Variants in RIMBP2 observed in about 807,000 individuals in gnomAD.
RIMBP2 encodes RIMS binding protein 2.
RIMBP2 carries 48 observed loss-of-function variants against 118.6 expected under a neutral mutation model. The ratio of observed to expected loss-of-function variants is 0.40; its 90% confidence interval spans 0.32 to 0.51. RIMBP2 has a LOEUF of 0.51. Ranked by LOEUF, RIMBP2 falls within the 20% of genes least tolerant of loss-of-function variation. The pLI is 0.41. For synonymous variants in RIMBP2, 762 were observed against 742.9 expected, an observed-to-expected ratio of 1.03 and a Z score of -0.42; for missense variants, 1,551 against 1,768.3, an observed-to-expected ratio of 0.88 and a Z score of 2.20.
intron 2 of RIMBP2, among the ~76,000 whole-genome samples, chr12:130,535,346 A>T (rs1054740961): frequency 6.6e-5 from 8 of 120,712 alleles, no homozygotes; most frequent in African/African-American, 2.5e-4. Context: ...TAAAAAATTA[A>T]AAAAAAAAAT....
intron 2 of RIMBP2, among the ~76,000 whole-genome samples, chr12:130,557,388 G>A (rs1243466951): frequency 6.6e-6 from 1 of 152,206 alleles, no homozygotes; most frequent in Non-Finnish European, 1.5e-5. Context: ...AAACTCATCC[G>A]TGTCCCATCA....
intron 2 of RIMBP2, among the ~76,000 whole-genome samples, chr12:130,606,667 A>C (rs73156966): frequency 6.6e-6 from 1 of 152,154 alleles, no homozygotes; most frequent in South Asian, 2.1e-4. Flanking sequence ...TGTTGGAGCA[A>C]GCGGTAGAGA....
At chr12:130,414,670 A>G (rs1377959250) in intron 17 of RIMBP2, 1 of 181,024 alleles carries the variant, frequency 5.5e-6, no homozygotes, top group Admixed American at 5.4e-5. Context: ...ATGGAAAGCT[A>G]AGCACAGCCC....
intron 2 of RIMBP2, among the ~76,000 whole-genome samples, chr12:130,547,010 G>A (rs930589890): frequency 6.6e-6 from 1 of 152,140 alleles, no homozygotes; most frequent in Non-Finnish European, 1.5e-5. Context: ...AGGAGGGACA[G>A]TTGTTATCAT....
intron 3 of RIMBP2, among the ~76,000 whole-genome samples, chr12:130,515,088 G>A (rs1296836769): frequency 1.3e-5 from 2 of 152,232 alleles, no homozygotes; most frequent in Non-Finnish European, 2.9e-5. Flanking sequence ...GTGTTAGCCA[G>A]GATGGTCTCA....
At position 130,688,051 on chromosome 12, in the gene RIMBP2, G is replaced by A. The variant is rs1054847015; in HGVS notation, c.-352+28171C>T. ...CTCAGATCAACTATTGTTAAAATTC[G>A]TACTGTGGGAAAGAGGGGCACATCA... On this transcript the variant is annotated intron_variant, in intron 1 of 22. Coordinates refer to ENST00000690449, the MANE Select transcript of RIMBP2 (RefSeq NM_001393629.1). The surrounding 1 kb of genome is among the most constrained non-coding windows in gnomAD (Gnocchi z 4.7). Among the ~76,000 whole-genome samples, 5 of 152,298 alleles carry A rather than the reference G, an allele frequency of 3.3e-5. No homozygotes were observed. Among genetic ancestry groups the A allele is most frequent in the African/African-American group, 4.8e-5 (2 of 41,560 alleles).
intron 7 of RIMBP2, among the ~76,000 whole-genome samples, chr12:130,453,212 C>A (rs2079140926): frequency 1.3e-5 from 2 of 152,232 alleles, no homozygotes; most frequent in South Asian, 4.1e-4. Flanking sequence ...CAGTGTGGCC[C>A]ATGAGCAACG....
intron 1 of RIMBP2, among the ~76,000 whole-genome samples, chr12:130,667,068 GGA>G (rs2063963535): frequency 9.2e-6 from 1 of 108,930 alleles, no homozygotes; most frequent in Non-Finnish European, 2.0e-5. Flanking sequence ...AAGGAAGAAG[GGA>G]GGGAGGAAAA....
rs187478714 is a variant in RIMBP2, at chr12:130,567,103, A to G, written c.-216-49186T>C. Among the ~76,000 whole-genome samples, 7 of 152,368 alleles carry G rather than the reference A, an allele frequency of 4.6e-5. No individual in the cohort carries two copies. The East Asian group carries it at 1.2e-3, about 25-fold the overall frequency. On this transcript the variant is annotated intron_variant, in intron 2 of 22. Coordinates refer to ENST00000690449, the MANE Select transcript of RIMBP2 (RefSeq NM_001393629.1). Reference sequence around the variant, plus strand: ...AGCTCTGACCAGACCAAACTCAGGGAAAGTCAAATACAAAATACAGCCAGG... The same window carrying G: ...AGCTCTGACCAGACCAAACTCAGGGGAAGTCAAATACAAAATACAGCCAGG...
At chr12:130,483,507 G>A (rs2082202779) in intron 4 of RIMBP2, among the ~76,000 whole-genome samples, 1 of 152,212 alleles carries the variant, frequency 6.6e-6, no homozygotes, top group Non-Finnish European at 1.5e-5. Flanking sequence ...GTCCTGCTGG[G>A]GGCTGGCCTG....
At chr12:130,619,633 G>A (rs1049728004) in intron 2 of RIMBP2, among the ~76,000 whole-genome samples, 1 of 152,198 alleles carries the variant, frequency 6.6e-6, no homozygotes, top group Non-Finnish European at 1.5e-5. Context: ...ACTGATCAGT[G>A]TGGATCTCTA....
At chr12:130,572,920 G>A (rs1379503326) in intron 2 of RIMBP2, among the ~76,000 whole-genome samples, 1 of 152,140 alleles carries the variant, frequency 6.6e-6, no homozygotes, top group African/African-American at 2.4e-5. Context: ...GGAGCTGTGA[G>A]GAGGGACCCA....
chr12:130,541,998 G>A (rs1405167656), intron 2 of RIMBP2, among the ~76,000 whole-genome samples: 1 of 152,244 alleles, frequency 6.6e-6, no homozygotes, highest in East Asian at 1.9e-4. Context: ...GCTCTAAGTG[G>A]AGGCATCGCC....
chr12:130,508,251 C>T (rs924721376), intron 3 of RIMBP2, among the ~76,000 whole-genome samples: 9 of 151,962 alleles, frequency 5.9e-5, no homozygotes, highest in African/African-American at 1.9e-4. Context: ...CAGTCTCACA[C>T]GGTGACCAGC....
rs1273719733 is a variant in RIMBP2, at chr12:130,475,034, G to T, written c.102+3878C>A. ...CTCCCGGGAGAGCCTGAGGTTACCA[G>T]CAGACAGCGTGGGTCCTGGCTTGGC... On this transcript the variant is annotated intron_variant, in intron 5 of 22. Transcript: ENST00000690449. The surrounding 1 kb of genome is among the most constrained non-coding windows in gnomAD (Gnocchi z 4.1). 6.6e-6 allele frequency among the ~76,000 whole-genome samples: 1 copy of T among 152,344 alleles called. No individual in the cohort carries two copies. The highest frequency in any genetic ancestry group is 1.9e-4 in the East Asian group (1 of 5,172).
intron 1 of RIMBP2, among the ~76,000 whole-genome samples, chr12:130,673,769 C>T (rs2064307445): frequency 6.6e-6 from 1 of 151,996 alleles, no homozygotes; most frequent in Non-Finnish European, 1.5e-5. Flanking sequence ...CCTTTTGGTG[C>T]TCTTCTTATG....
chr12:130,683,623 T>C lies in RIMBP2; in HGVS notation c.-352+32599A>G, dbSNP rs1298103588. On this transcript the variant is annotated intron_variant, in intron 1 of 22. Coordinates refer to ENST00000690449, the MANE Select transcript of RIMBP2 (RefSeq NM_001393629.1). This position sits in a 1 kb window ranked among gnomAD's most constrained non-coding sequence, Gnocchi z 4.4. ...CAAAAGACACAGGTCATAAAGACCT[T>C]GCGGATAAAACAGTTGCAGTAAACA... 1.3e-5 allele frequency among the ~76,000 whole-genome samples: 2 copies of C among 152,060 alleles called. No individual in the cohort carries two copies. Among genetic ancestry groups the C allele is most frequent in the Non-Finnish European group, 2.9e-5 (2 of 67,998 alleles).
At chr12:130,711,773 C>A (rs760838070) in intron 1 of RIMBP2, among the ~76,000 whole-genome samples, 9 of 152,236 alleles carry the variant, frequency 5.9e-5, no homozygotes, top group Non-Finnish European at 1.2e-4. Context: ...AATGCAGTCA[C>A]GCCTTGCTTA....
chr12:130,667,069 GAGGGAGGAAAAAATGAGGGAGGGAGGA>G (rs2063964600), intron 1 of RIMBP2, among the ~76,000 whole-genome samples: 7 of 108,398 alleles, frequency 6.5e-5, no homozygotes, highest in South Asian at 3.4e-4. Context: ...AGGAAGAAGG[GAGGGAGGAAAAAATGAGGGAGGGAGGA>G]TGGGAGAAAA....
Sources: gnomAD v4.1 joint callset for allele counts (sites outside exome capture counted in the v4.1 genomes callset) on GRCh38, gnomAD v4.1.1 for gene constraint, Gnocchi (gnomAD v3.1) non-coding constraint, MANE v1.5 for transcripts, NCBI Gene and HGNC (gene_info 2026-07-23, HGNC 2026-07-21) for gene names.